SH2B1: variants seen among roughly 807,000 people sequenced by gnomAD.
SH2B1 encodes the protein SH2B adapter protein 1.
A neutral mutation model predicts 62.6 loss-of-function variants in SH2B1; 15 were observed. That is an observed-to-expected ratio of 0.24 (90% CI 0.16 to 0.37). SH2B1 has a LOEUF of 0.37. SH2B1 is among the 10% of genes least tolerant of loss of function. The pLI is 1.00. For missense variants in SH2B1, 925 were observed against 1,015.6 expected (o/e 0.91, Z 1.21); for synonymous variants, 443 against 438.0 (o/e 1.01, Z -0.14).
Position 28,866,727 on chromosome 16 carries a change from G to T in SH2B1, c.633G>T (p.Arg211Ser), listed in dbSNP as rs1962729740. 1 of 1,582,956 alleles carries T rather than the reference G, an allele frequency of 6.3e-7. No homozygotes were observed. Among genetic ancestry groups the T allele is most frequent in the Admixed American group, 1.8e-5 (1 of 56,718 alleles). ...CTGGCGGGGCTGGGACCGTTGGTAGGGGACTGGTCAGTGATGGAACGTCCC... is the reference window on the plus strand; with the variant it reads ...CTGGCGGGGCTGGGACCGTTGGTAGTGGACTGGTCAGTGATGGAACGTCCC... ...NSSGGAGTVGRGLVSDGTSPG... is the reference protein window; with the variant it reads ...NSSGGAGTVGSGLVSDGTSPG... The change falls in exon 1 of 8, where the codon AGG becomes AGT. Residue 211 changes from arginine (R) to serine (S), a missense_variant. Arg to Ser is a moderately radical substitution (Grantham distance 110, BLOSUM62 -1). This residue lies in a region of SH2B1 where 683 missense variants were observed against 704.0 expected (regional missense o/e 0.97). Transcript: ENST00000684370. This position sits in a 1 kb window ranked among gnomAD's most constrained non-coding sequence, Gnocchi z 6.3.
chr16:28,864,542 G>T lies in SH2B1; in HGVS notation c.-1553G>T. 1.0e-6 allele frequency: 1 copy of T among 985,646 alleles called. No individual in the cohort carries two copies. Among genetic ancestry groups the T allele is most frequent in the African/African-American group, 1.7e-5 (1 of 57,304 alleles). The allele number at this position is 985,646 out of a possible 1,614,324, so 61.1% of individuals were successfully genotyped here. On this transcript the variant is annotated 5_prime_UTR_variant, in exon 1 of 8. Transcript: ENST00000684370. ...TGGAGCCATCTGAGCTTGTAGGGTC[G>T]AGGCCCAGGAGGAAGGGGAGGGTTC...
intron 1 of SH2B1, among the ~76,000 whole-genome samples, chr16:28,855,801 G>A (rs1239365371): frequency 1.7e-3 from 228 of 132,532 alleles, no homozygotes; most frequent in Non-Finnish European, 3.0e-3. Flanking sequence ...CAGCACGCCC[G>A]GCTAATTTTT....
rs1962164611 is a variant in SH2B1, at chr16:28,852,573, T to TATATTTATATATACAC, written c.-301+5750_-301+5751insTTATATATACACATAT. 6.9e-5 allele frequency among the ~76,000 whole-genome samples: 4 copies of TATATTTATATATACAC among 57,688 alleles called. 2 individuals are homozygous for TATATTTATATATACAC. The highest frequency in any genetic ancestry group is 3.5e-4 in the African/African-American group (4 of 11,350). 37.8% of individuals were successfully genotyped at this position (57,688 alleles called of 152,430 possible). The stretch of plus-strand genomic sequence containing the variant: ...ATACACATATTTATATATATACACA[T>TATATTTATATATACAC]ATATATTTATATATATACACATATA... On this transcript the variant is annotated intron_variant, in intron 1 of 10. Transcript: ENST00000322610.
chr16:28,871,090 T>C (rs1963003130), intron 4 of SH2B1, among the ~76,000 whole-genome samples: 1 of 151,932 alleles, frequency 6.6e-6, no homozygotes, highest in Non-Finnish European at 1.5e-5. Flanking sequence ...CAATCTCGGC[T>C]CACTGCAACC....
chr16:28,858,490 T>C (rs191110992), intron 1 of SH2B1, among the ~76,000 whole-genome samples: 1 of 152,252 alleles, frequency 6.6e-6, no homozygotes, highest in Non-Finnish European at 1.5e-5. Flanking sequence ...CACTCCAGCC[T>C]GGGAGACAGT....
rs1475964163 is a variant in SH2B1 at position 28,865,841 on chromosome 16, G to T, written c.-254G>T. ...GACGCTGGGGAGCCAGTTGGCTGGG[G>T]CCTGCAGGGTGCCAGGATCTGGGAG... On this transcript the variant is annotated 5_prime_UTR_variant, in exon 1 of 8. Coordinates refer to ENST00000684370, the MANE Select transcript of SH2B1 (RefSeq NM_001387430.1). 4 of 1,286,316 alleles carry T rather than the reference G, an allele frequency of 3.1e-6. No homozygotes were observed. In the East Asian group the frequency reaches 9.6e-5, roughly 31 times the overall value. The allele number at this position is 1,286,316 out of a possible 1,614,324, so 79.7% of individuals were successfully genotyped here. A position where few individuals can be genotyped will look rare whatever the true frequency, so the allele number is the denominator to read the frequency against.
At position 28,852,743 on chromosome 16, in the gene SH2B1, T is replaced by C. The variant is rs1245550987; in HGVS notation, c.-301+5916T>C. Among the ~76,000 whole-genome samples the C allele has an allele frequency of 6.3e-4, 36 of 57,010 alleles. 8 individuals carry two copies. Among genetic ancestry groups the C allele is most frequent in the Non-Finnish European group, 1.1e-3 (35 of 32,916 alleles). The allele number at this position is 57,010 out of a possible 152,430, so 37.4% of individuals were successfully genotyped here. On this transcript the variant is annotated intron_variant, in intron 1 of 10. Transcript: ENST00000322610. ...ATATATTTATATATATACATATATATATTTACATATATATGTATATATATA... is the reference window on the plus strand; with the variant it reads ...ATATATTTATATATATACATATATACATTTACATATATATGTATATATATA...
rs2152186208 is a variant in SH2B1, at chr16:28,871,687, C to T, written c.1310-93C>T. On this transcript the variant is annotated intron_variant, in intron 4 of 7. Coordinates refer to ENST00000684370, the MANE Select transcript of SH2B1 (RefSeq NM_001387430.1). ...TTTGGCATCTTGGCCAGCGACTGCA[C>T]ACAGGGTAGACTGCTGGTGAGGAGA... is the stretch of plus-strand genomic sequence containing the variant. 3.8e-6 allele frequency: 4 copies of T among 1,039,490 alleles called. No individual in the cohort carries two copies. The South Asian group carries it at 5.2e-5, about 13-fold the overall frequency. The allele number at this position is 1,039,490 out of a possible 1,614,324, so 64.4% of individuals were successfully genotyped here. A position where few individuals can be genotyped will look rare whatever the true frequency, so the allele number is the denominator to read the frequency against.
At chr16:28,850,392 CT>C (rs1370653572) in intron 1 of SH2B1, among the ~76,000 whole-genome samples, 2 of 152,246 alleles carry the variant, frequency 1.3e-5, no homozygotes, top group Admixed American at 1.3e-4. Flanking sequence ...GACCTTGTCT[CT>C]ACAAACATAA....
In SH2B1 at chr16:28,866,337, C is replaced by T. The variant is rs781044222; in HGVS notation, c.243C>T (p.Ala81=). Residue 81 remains alanine, a synonymous_variant, in exon 1 of 8, where the codon GCC becomes GCT. Coordinates refer to ENST00000684370, the MANE Select transcript of SH2B1 (RefSeq NM_001387430.1). This position sits in a 1 kb window ranked among gnomAD's most constrained non-coding sequence, Gnocchi z 6.3. ...TGCAGCACTTTGAAGCCGAGGTGGC[C>T]CGGGCCTCTGGCTCCCTGTCGCCAC... ...LFLQHFEAEV[A]RASGSLSPPI... 15 of 1,612,510 alleles carry T rather than the reference C, an allele frequency of 9.3e-6. No individual in the cohort carries two copies. The highest frequency in any genetic ancestry group is 3.3e-5 in the South Asian group (3 of 91,062).
chr16:28,865,820 C>G lies in SH2B1; in HGVS notation c.-275C>G. On this transcript the variant is annotated 5_prime_UTR_variant, in exon 1 of 8. Transcript: ENST00000684370. ...TGGCAGGCTCGGGGCAGGTTAGACG[C>G]TGGGGAGCCAGTTGGCTGGGGCCTG... 1 of 1,245,522 alleles carries G rather than the reference C, an allele frequency of 8.0e-7. No homozygotes were observed. Among genetic ancestry groups the G allele is most frequent in the African/African-American group, 1.6e-5 (1 of 64,364 alleles). 77.2% of individuals were successfully genotyped at this position (1,245,522 alleles called of 1,614,324 possible). A position where few individuals can be genotyped will look rare whatever the true frequency, so the allele number is the denominator to read the frequency against.
intron 1 of SH2B1, among the ~76,000 whole-genome samples, chr16:28,853,232 T>C (rs1962247659): frequency 7.0e-6 from 1 of 143,862 alleles, no homozygotes; most frequent in South Asian, 2.1e-4. Flanking sequence ...TATATAAATA[T>C]ATATATATAT....
At chr16:28,846,790 T>A (rs531189736) in exon 1 of SH2B1, 1 of 157,184 alleles carries the variant, frequency 6.4e-6, no homozygotes, top group South Asian at 1.8e-4. Context: ...GCTACGCGGG[T>A]CTTGCGAGAT....
In SH2B1 at chr16:28,858,453, T is replaced by C. The variant is rs549961859; in HGVS notation, c.-300-3165T>C. 9.0e-4 allele frequency among the ~76,000 whole-genome samples: 136 copies of C among 151,844 alleles called. 1 individual carries two copies. The highest frequency in any genetic ancestry group is 3.2e-3 in the African/African-American group (131 of 41,392). On this transcript the variant is annotated intron_variant, in intron 1 of 10. Transcript: ENST00000322610. ...GCGTGAACCCGGGAGGAGGTGGAGG[T>C]TGCAGTAAGCCAAGATCGCGCCACT...
rs755747789 is a variant in SH2B1 at position 28,866,912 on chromosome 16, G to A, written c.818G>A (p.Gly273Glu). Residue 273 changes from glycine (G) to glutamate (E), a missense_variant, in exon 1 of 8, where the codon GGG becomes GAG. This residue lies in a region of SH2B1 where 683 missense variants were observed against 704.0 expected (regional missense o/e 0.97). Transcript: ENST00000684370. The surrounding 1 kb of genome is among the most constrained non-coding windows in gnomAD (Gnocchi z 6.3). ...CCAGCCGGAGTGGGCCGGGGAGGAG[G>A]GGTGGCTGGGCCTCCTTCAGGGGGA... ...PDPAGVGRGG[G>E]VAGPPSGGGG... 9.9e-6 allele frequency: 16 copies of A among 1,612,014 alleles called. No individual in the cohort carries two copies. The Admixed American group carries it at 1.0e-4, about 10-fold the overall frequency.
chr16:28,873,610 G>A lies in SH2B1; in HGVS notation c.2061G>A (p.Gly687=). 3 of 1,550,026 alleles carry A rather than the reference G, an allele frequency of 1.9e-6. No individual in the cohort carries two copies. The highest frequency in any genetic ancestry group is 2.6e-6 in the Non-Finnish European group (3 of 1,146,938). ...AGAAAGAGAAAGCGGGCGGTGGAGGGGTCCCGGAAGAGCTGGTCCCCGTGG... is the reference window on the plus strand; with the variant it reads ...AGAAAGAGAAAGCGGGCGGTGGAGGAGTCCCGGAAGAGCTGGTCCCCGTGG... ...RQEKEKAGGG[G]VPEELVPVVE... is the part of the protein sequence containing the mutation. The change falls in exon 8 of 8, where the codon GGG becomes GGA. Residue 687 remains glycine, a synonymous_variant. Coordinates refer to ENST00000684370, the MANE Select transcript of SH2B1 (RefSeq NM_001387430.1). The surrounding 1 kb of genome is among the most constrained non-coding windows in gnomAD (Gnocchi z 4.2).
rs778568316 is a variant in SH2B1, at chr16:28,867,050, G to A, written c.939+17G>A. ...CCACCCAAGGTGAGGCCCCTTGGAG[G>A]GTGGGTGACTGAGAGCAAGTGAGAG... On this transcript the variant is annotated intron_variant, in intron 1 of 7. Transcript: ENST00000684370. 4 of 1,598,546 alleles carry A rather than the reference G, an allele frequency of 2.5e-6. No individual in the cohort carries two copies. Among genetic ancestry groups the A allele is most frequent in the South Asian group, 1.1e-5 (1 of 91,076 alleles).
At chr16:28,859,995 A>G (rs1962406105), upstream of SH2B1, among the ~76,000 whole-genome samples, 1 of 150,978 alleles carries the variant, frequency 6.6e-6, no homozygotes, top group Non-Finnish European at 1.5e-5. Context: ...CCTTCATATT[A>G]ATGCCTTGGC....
rs1962579675 is a variant in SH2B1, at chr16:28,864,506, G to C, written c.-1589G>C. ...GATTGTTTCTCGTTGGTTTGGAGTTGTCCCTGCGGTTGGAGCCATCTGAGC... is the reference window on the plus strand; with the variant it reads ...GATTGTTTCTCGTTGGTTTGGAGTTCTCCCTGCGGTTGGAGCCATCTGAGC... On this transcript the variant is annotated 5_prime_UTR_variant, in exon 1 of 8. Transcript: ENST00000684370. 2 of 985,640 alleles carry C rather than the reference G, an allele frequency of 2.0e-6. No individual in the cohort carries two copies. The highest frequency in any genetic ancestry group is 3.5e-5 in the African/African-American group (2 of 57,208). The allele number at this position is 985,640 out of a possible 1,614,324, so 61.1% of individuals were successfully genotyped here.
Sources: allele counts gnomAD v4.1 joint callset (sites outside exome capture counted in the v4.1 genomes callset), GRCh38; gene constraint gnomAD v4.1.1; regional missense constraint gnomAD v4.1.1; non-coding constraint Gnocchi (gnomAD v3.1); transcripts MANE v1.5; gene names NCBI Gene and HGNC (gene_info 2026-07-23, HGNC 2026-07-21).